XPO1: variants seen among roughly 807,000 people sequenced by gnomAD.
XPO1 encodes exportin 1, also known as exportin-1.
Under a neutral mutation model 133.3 loss-of-function variants are expected in XPO1, and 5 were observed. That is an observed-to-expected ratio of 0.04 (90% CI 0.02 to 0.08). The LOEUF (loss-of-function observed/expected upper bound fraction) is 0.08. Ranked by LOEUF, XPO1 falls within the 10% of genes least tolerant of loss-of-function variation. The pLI is 1.00. For missense variants in XPO1, 506 were observed against 1,267.5 expected, an observed-to-expected ratio of 0.40 and a Z score of 9.12; for synonymous variants, 419 against 408.2, an observed-to-expected ratio of 1.03 and a Z score of -0.32.
At chr2:61,502,075 G>A (rs1439877244) in intron 5 of XPO1, 35 bp from the exon 6 acceptor site, 1 of 1,572,438 alleles carries the variant, frequency 6.4e-7, no homozygotes, top group Non-Finnish European at 8.6e-7. Context: ...GAGAGCCTGA[G>A]GTAAGTATAA....
chr2:61,510,006 G>A (rs1698009846), intron 4 of XPO1, among the ~76,000 whole-genome samples: 1 of 152,160 alleles, frequency 6.6e-6, no homozygotes, highest in African/African-American at 2.4e-5. Flanking sequence ...TTGGCTGGAT[G>A]TGGTGGCTCA....
intron 3 of XPO1, chr2:61,525,713 T>A (rs1028539866): frequency 1.9e-5 from 20 of 1,027,104 alleles, no homozygotes; most frequent in Non-Finnish European, 2.3e-5. Context: ...TTACAAGATG[T>A]CAAAACTAAT....
intron 16 of XPO1, among the ~76,000 whole-genome samples, chr2:61,491,669 G>T (rs12466605): frequency 0.016 from 2,503 of 152,238 alleles, 32 homozygotes; most frequent in Non-Finnish European, 0.026. Flanking sequence ...TGAGGCAAGC[G>T]TATCGCTTGA....
intron 4 of XPO1, among the ~76,000 whole-genome samples, chr2:61,520,711 G>A (rs898434103): frequency 1.3e-5 from 2 of 152,176 alleles, no homozygotes; most frequent in African/African-American, 4.8e-5. Flanking sequence ...TGTAACTACA[G>A]TGTTGATAAA....
chr2:61,532,332 T>C (rs1181773425), intron 2 of XPO1, among the ~76,000 whole-genome samples: 2 of 151,976 alleles, frequency 1.3e-5, no homozygotes, highest in Non-Finnish European at 2.9e-5. Context: ...TTTCACCGTG[T>C]TAGCCAGGAT....
intron 3 of XPO1, chr2:61,525,207 C>T (rs1698865014): frequency 1.1e-6 from 1 of 942,000 alleles, no homozygotes; most frequent in Non-Finnish European, 1.3e-6. Flanking sequence ...TCCCCTCCCA[C>T]CGCCCATGAA....
chr2:61,495,064 G>GA (rs748833700), intron 11 of XPO1, among the ~76,000 whole-genome samples: 31 of 151,796 alleles, frequency 2.0e-4, no homozygotes, highest in Non-Finnish European at 3.8e-4. Context: ...GGCTGGTCTC[G>GA]AACTCCTGCC....
intron 4 of XPO1, among the ~76,000 whole-genome samples, chr2:61,516,853 G>A (rs1388896413): frequency 6.6e-6 from 1 of 151,910 alleles, no homozygotes; most frequent in African/African-American, 2.4e-5. Context: ...GAACAAAGGA[G>A]GCTTCCTCTT....
chr2:61,516,861 C>T lies in XPO1; in HGVS notation c.301+5750G>A, dbSNP rs1558665422. Among the ~76,000 whole-genome samples, 10 of 151,292 alleles carry T rather than the reference C, an allele frequency of 6.6e-5. 1 individual carries two copies. The South Asian group carries it at 2.1e-3, about 32-fold the overall frequency. ...CCAACAGGAACAAAGGAGGCTTCCT[C>T]TTTTTTTTTATTTGAATTATCTAAA... On this transcript the variant is annotated intron_variant, in intron 4 of 24. Coordinates refer to ENST00000401558, the MANE Select transcript of XPO1 (RefSeq NM_003400.4).
intron 1 of XPO1, 65 bp from the exon 2 acceptor site, chr2:61,533,968 A>G: frequency 1.5e-6 from 2 of 1,333,740 alleles, no homozygotes; most frequent in Non-Finnish European, 1.9e-6. Flanking sequence ...AACTTCCTAC[A>G]AGTTATTTTA....
chr2:61,532,580 G>C (rs1699204194), intron 2 of XPO1, among the ~76,000 whole-genome samples: 1 of 151,862 alleles, frequency 6.6e-6, no homozygotes, highest in Non-Finnish European at 1.5e-5. Context: ...GCTCATGCCT[G>C]TCATCTCCAC....
At chr2:61,488,894 G>T in intron 17 of XPO1, 123 bp from the exon 18 acceptor site, 4 of 983,564 alleles carry the variant, frequency 4.1e-6, no homozygotes, top group Non-Finnish European at 6.1e-6. Context: ...GAGTTCAGGA[G>T]ATCGGGACCA....
rs1320117647 is a variant in XPO1 at position 61,537,661 on chromosome 2, T to C, written c.-106A>G. The C allele has an allele frequency of 6.6e-6, 1 of 150,848 alleles. No individual in the cohort carries two copies. The highest frequency in any genetic ancestry group is 1.9e-4 in the East Asian group (1 of 5,232). The allele number at this position is 150,848 out of a possible 1,614,324, so 9.3% of individuals were successfully genotyped here. On this transcript the variant is annotated 5_prime_UTR_variant, in exon 1 of 25. Transcript: ENST00000401558. Reference sequence around the variant, plus strand: ...GGGACGAATCAAGGTGGGTTTCAGTTTTCCCACCTCAAAAAAGGAAATTAA... The same window carrying C: ...GGGACGAATCAAGGTGGGTTTCAGTCTTCCCACCTCAAAAAAGGAAATTAA...
intron 20 of XPO1, chr2:61,485,473 A>ACC (rs3041947): frequency 0.084 from 8,680 of 103,324 alleles, 1,034 homozygotes; most frequent in East Asian, 0.22. Flanking sequence ...GGCTCAAGTG[A>ACC]CCCCCCCCCC....
At position 61,512,045 on chromosome 2, in the gene XPO1, A is replaced by T. The variant is rs1392150045; in HGVS notation, c.302-9735T>A. ...AGGCCTCCCAAAGTGCTGGGATTAC[A>T]GGCGTGAGACATCGCACCAGGCATT... On this transcript the variant is annotated intron_variant, in intron 4 of 24. Coordinates refer to ENST00000401558, the MANE Select transcript of XPO1 (RefSeq NM_003400.4). Among the ~76,000 whole-genome samples, 5 of 152,278 alleles carry T rather than the reference A, an allele frequency of 3.3e-5. No individual in the cohort carries two copies. The East Asian group carries it at 7.7e-4, about 23-fold the overall frequency.
chr2:61,529,512 T>C (rs2104808880), intron 2 of XPO1, among the ~76,000 whole-genome samples: 1 of 151,924 alleles, frequency 6.6e-6, no homozygotes, highest in East Asian at 1.9e-4. Flanking sequence ...AAAAATTAGC[T>C]GGGCATGGTG....
intron 4 of XPO1, among the ~76,000 whole-genome samples, chr2:61,505,571 T>G (rs2104563837): frequency 6.6e-6 from 1 of 152,022 alleles, no homozygotes; most frequent in East Asian, 1.9e-4. Flanking sequence ...TTTTTGTATT[T>G]TTTTTTTGAG....
chr2:61,532,109 T>G lies in XPO1; in HGVS notation c.126+1663A>C, dbSNP rs912812952. Among the ~76,000 whole-genome samples the G allele has an allele frequency of 2.1e-4, 31 of 148,348 alleles. 1 individual carries two copies. The highest frequency in any genetic ancestry group is 3.4e-4 in the Non-Finnish European group (23 of 67,970). On this transcript the variant is annotated intron_variant, in intron 2 of 24. Transcript: ENST00000401558. ...AAGTGTAATGGCACTCAGGTTTAGG[T>G]TTTTTTATTTTATTTTATTTATTTA...
intron 5 of XPO1, 21 bp downstream of exon 5, chr2:61,502,228 A>C: frequency 6.2e-7 from 1 of 1,607,494 alleles, no homozygotes. Context: ...TCTCCCAATA[A>C]GCTCCAAAAT....
Sources: allele counts gnomAD v4.1 joint callset (sites outside exome capture counted in the v4.1 genomes callset), GRCh38; gene constraint gnomAD v4.1.1; transcripts MANE v1.5; gene names NCBI Gene and HGNC (gene_info 2026-07-23, HGNC 2026-07-21).